Variants in OLFM2 observed in about 807,000 individuals in gnomAD.
OLFM2 encodes the protein olfactomedin 2.
In OLFM2, 20 loss-of-function variants were observed where a neutral mutation model predicts 43.9. The ratio of observed to expected loss-of-function variants is 0.46; its 90% CI spans 0.32 to 0.66. OLFM2 has a LOEUF of 0.66. Ranked by LOEUF, OLFM2 falls within the 30% of genes least tolerant of loss-of-function variation. OLFM2 has a pLI of 0.04. For synonymous variants in OLFM2, 268 were observed against 278.6 expected, an observed-to-expected ratio of 0.96 and a Z score of 0.38; for missense variants, 416 against 643.6, an observed-to-expected ratio of 0.65 and a Z score of 3.83.
intron 1 of OLFM2, among the ~76,000 whole-genome samples, chr19:9,867,202 CT>C: frequency 6.6e-6 from 1 of 152,286 alleles, no homozygotes. Flanking sequence ...GAAACCCCAT[CT>C]CTACTAAAAA....
intron 1 of OLFM2, among the ~76,000 whole-genome samples, chr19:9,861,485 G>T (rs756242505): frequency 7.9e-5 from 12 of 152,124 alleles, no homozygotes; most frequent in Non-Finnish European, 1.5e-4. Context: ...CAAATGTTAA[G>T]TGCAACCCTG....
intron 1 of OLFM2, among the ~76,000 whole-genome samples, chr19:9,931,732 T>G (rs573132774): frequency 1.5e-3 from 227 of 146,582 alleles, no homozygotes; most frequent in African/African-American, 5.6e-3. Flanking sequence ...AAAAAAGAAA[T>G]AAAAAGAAAA....
At chr19:9,886,397 G>A (rs1209977057) in intron 1 of OLFM2, among the ~76,000 whole-genome samples, 3 of 151,720 alleles carry the variant, frequency 2.0e-5, no homozygotes, top group African/African-American at 7.3e-5. Context: ...AGTAGAAATG[G>A]GGTTTCACCA....
chr19:9,934,458 T>A (rs553947894), intron 1 of OLFM2, among the ~76,000 whole-genome samples: 2 of 152,116 alleles, frequency 1.3e-5, no homozygotes, highest in African/African-American at 4.8e-5. Flanking sequence ...GGCAGCAAAC[T>A]CTGGCATCCT....
At chr19:9,855,981 T>C (rs1406283321) in intron 5 of OLFM2, among the ~76,000 whole-genome samples, 1 of 152,256 alleles carries the variant, frequency 6.6e-6, no homozygotes, top group African/African-American at 2.4e-5. Flanking sequence ...AGCCATTGAA[T>C]GATAAGACAT....
intron 1 of OLFM2, among the ~76,000 whole-genome samples, chr19:9,871,792 G>C (rs547498348): frequency 6.6e-6 from 1 of 152,326 alleles, no homozygotes; most frequent in African/African-American, 2.4e-5. Context: ...AACCACAGGG[G>C]AGCGGGGAGT....
At chr19:9,907,342 C>T (rs368626186) in intron 1 of OLFM2, among the ~76,000 whole-genome samples, 8 of 152,124 alleles carry the variant, frequency 5.3e-5, no homozygotes, top group South Asian at 2.1e-4. Context: ...GTAGTCCCAG[C>T]TACTTGGGAG....
At chr19:9,894,073 A>G (rs1415681965) in intron 1 of OLFM2, among the ~76,000 whole-genome samples, 1 of 152,016 alleles carries the variant, frequency 6.6e-6, no homozygotes, top group African/African-American at 2.4e-5. Context: ...CGGATGGATC[A>G]CTTGAGGCCA....
Position 9,860,626 on chromosome 19 carries a change from G to A in OLFM2, c.213+19C>T. On this transcript the variant is annotated intron_variant, in intron 2 of 5. Transcript: ENST00000264833. Reference sequence around the variant, plus strand: ...GGAGATTTTCCCAGCTGCCCCCAGGGTACCTGGAAGGTTCTCACCTTCTCC... The same window carrying A: ...GGAGATTTTCCCAGCTGCCCCCAGGATACCTGGAAGGTTCTCACCTTCTCC... 6.4e-7 allele frequency: 1 copy of A among 1,568,222 alleles called. No individual in the cohort carries two copies. The highest frequency in any genetic ancestry group is 2.3e-5 in the East Asian group (1 of 42,564).
intron 1 of OLFM2, among the ~76,000 whole-genome samples, chr19:9,879,084 G>T (rs1350360448): frequency 6.6e-6 from 1 of 152,144 alleles, no homozygotes. Context: ...CATGGGGCTA[G>T]GTTTCCCCTT....
chr19:9,916,999 G>GT (rs1451863054), intron 1 of OLFM2, among the ~76,000 whole-genome samples: 10 of 152,030 alleles, frequency 6.6e-5, no homozygotes, highest in Non-Finnish European at 1.2e-4. Flanking sequence ...CTAAAACTCT[G>GT]TATCTTTCAG....
chr19:9,902,997 C>T (rs1276804184), intron 1 of OLFM2, among the ~76,000 whole-genome samples: 1 of 149,036 alleles, frequency 6.7e-6, no homozygotes, highest in Non-Finnish European at 1.5e-5. Context: ...ACTTTTTGTA[C>T]AGACAGCCTC....
chr19:9,885,291 GA>G (rs1362703324), intron 1 of OLFM2, among the ~76,000 whole-genome samples: 2 of 152,154 alleles, frequency 1.3e-5, no homozygotes, highest in Non-Finnish European at 2.9e-5. Context: ...AATGAATCCG[GA>G]AAAAATCTCA....
Position 9,857,938 on chromosome 19 carries a change from G to A in OLFM2, c.214-77C>T, listed in dbSNP as rs919327504. The A allele has an allele frequency of 1.9e-6, 3 of 1,588,126 alleles. No homozygotes were observed. The African/African-American group carries it at 4.0e-5, about 21-fold the overall frequency. ...CCAGAGATGCCACAGACAAGAGCTG[G>A]CAGGAACAGAGGCTGTACAAACACC... On this transcript the variant is annotated intron_variant, in intron 2 of 5. Transcript: ENST00000264833. The surrounding 1 kb of genome is among the most constrained non-coding windows in gnomAD (Gnocchi z 5.7).
intron 2 of OLFM2, among the ~76,000 whole-genome samples, chr19:9,859,359 C>T (rs1284157356): frequency 6.6e-6 from 1 of 151,858 alleles, no homozygotes; most frequent in Non-Finnish European, 1.5e-5. Flanking sequence ...CTGTCTTGCC[C>T]AGGCTGGAGT....
chr19:9,908,229 A>C (rs991717061), intron 1 of OLFM2, among the ~76,000 whole-genome samples: 1 of 152,046 alleles, frequency 6.6e-6, no homozygotes, highest in African/African-American at 2.4e-5. Flanking sequence ...GGCTCAAGCA[A>C]TCCTCATGCT....
intron 1 of OLFM2, among the ~76,000 whole-genome samples, chr19:9,875,256 C>T (rs1005996195): frequency 1.3e-5 from 2 of 152,118 alleles, no homozygotes; most frequent in East Asian, 1.9e-4. Context: ...TCAAGGCAGG[C>T]GAGAGAGATC....
At chr19:9,901,183 A>G (rs2046735714) in intron 1 of OLFM2, among the ~76,000 whole-genome samples, 1 of 148,360 alleles carries the variant, frequency 6.7e-6, no homozygotes, top group Non-Finnish European at 1.5e-5. Flanking sequence ...AGGAAAAGAA[A>G]GAAGGAAAGA....
At chr19:9,933,606 G>A (rs972788385) in intron 1 of OLFM2, among the ~76,000 whole-genome samples, 3 of 136,182 alleles carry the variant, frequency 2.2e-5, no homozygotes, top group African/African-American at 8.3e-5. Context: ...TGTCCAGGCT[G>A]GAGTGCAATG....
Sources: gnomAD v4.1 joint callset for allele counts (sites outside exome capture counted in the v4.1 genomes callset) on GRCh38, gnomAD v4.1.1 for gene constraint, Gnocchi (gnomAD v3.1) non-coding constraint, MANE v1.5 for transcripts, NCBI Gene and HGNC (gene_info 2026-07-23, HGNC 2026-07-21) for gene names.